The following LSM11 variants were observed in gnomAD, a reference collection of about 807,000 sequenced individuals.
LSM11 encodes the protein U7 snRNA-associated Sm-like protein LSm11.
In LSM11, 14 loss-of-function variants were observed where a neutral mutation model predicts 28.1. The ratio of observed to expected loss-of-function variants is 0.50; its 90% CI spans 0.33 to 0.78. The LOEUF (loss-of-function observed/expected upper bound fraction) is 0.78, where lower values mean the gene tolerates loss of function less well. Among genes scored for constraint, LSM11 ranks in the 30% least tolerant of loss-of-function variants. The pLI, the probability that LSM11 is intolerant of heterozygous loss-of-function variation, is 0.02. For missense variants in LSM11, 495 were observed against 510.6 expected, an observed-to-expected ratio of 0.97 and a Z score of 0.30; for synonymous variants, 207 against 214.2, an observed-to-expected ratio of 0.97 and a Z score of 0.30.
rs1242310518 is a variant in LSM11 at position 157,755,598 on chromosome 5, A to G, written c.*334A>G. 1 of 446,820 alleles carries G rather than the reference A, an allele frequency of 2.2e-6. No homozygotes were observed. The highest frequency in any genetic ancestry group is 3.9e-6 in the Non-Finnish European group (1 of 254,938). The allele number at this position is 446,820 out of a possible 1,614,324, so 27.7% of individuals were successfully genotyped here. On this transcript the variant is annotated 3_prime_UTR_variant, in exon 4 of 4. Coordinates refer to ENST00000286307, the MANE Select transcript of LSM11 (RefSeq NM_173491.4). ...GAGTGGAATTTACATTTTAGATACTATAGGGGAAAGAAAAGTCTCAAAAAG... is the reference window on the plus strand; with the variant it reads ...GAGTGGAATTTACATTTTAGATACTGTAGGGGAAAGAAAAGTCTCAAAAAG...
In LSM11 at chr5:157,756,404, T is replaced by G. The variant is rs1761328919; in HGVS notation, c.*1140T>G. The G allele has an allele frequency of 1.3e-5, 2 of 152,690 alleles. No individual in the cohort carries two copies. Among genetic ancestry groups the G allele is most frequent in the Non-Finnish European group, 2.9e-5 (2 of 68,050 alleles). 9.5% of individuals were successfully genotyped at this position (152,690 alleles called of 1,614,324 possible). On this transcript the variant is annotated 3_prime_UTR_variant, in exon 4 of 4. Transcript: ENST00000286307. Reference sequence around the variant, plus strand: ...TATTCTGTGCTTTTTCAATCACTAGTGCAGAATAGGCTGCATTTGACACAG... The same window carrying G: ...TATTCTGTGCTTTTTCAATCACTAGGGCAGAATAGGCTGCATTTGACACAG...
At position 157,756,983 on chromosome 5, in the gene LSM11, C is replaced by G. The variant is rs1023288690; in HGVS notation, c.*1719C>G. 8 of 152,006 alleles carry G rather than the reference C, an allele frequency of 5.3e-5. No homozygotes were observed. Among genetic ancestry groups the G allele is most frequent in the African/African-American group, 1.9e-4 (8 of 41,356 alleles). 9.4% of individuals were successfully genotyped at this position (152,006 alleles called of 1,614,324 possible). ...GAGATCAAGACCATCCTGGCTAACA[C>G]GGTGAAACCCTGTCTCTACTAAAAA... On this transcript the variant is annotated 3_prime_UTR_variant, in exon 4 of 4. Coordinates refer to ENST00000286307, the MANE Select transcript of LSM11 (RefSeq NM_173491.4).
chr5:157,749,574 G>GCA (rs1347345237), intron 1 of LSM11, among the ~76,000 whole-genome samples: 258 of 84,044 alleles, frequency 3.1e-3, no homozygotes, highest in African/African-American at 0.013. Context: ...ACATATACAC[G>GCA]CGCGCGCACG....
chr5:157,746,740 T>C (rs1481356520), intron 1 of LSM11, among the ~76,000 whole-genome samples: 1 of 152,100 alleles, frequency 6.6e-6, no homozygotes, highest in Non-Finnish European at 1.5e-5. Flanking sequence ...TGAAACCCTG[T>C]CTCTACTAAA....
chr5:157,745,769 C>G (rs1761137886), intron 1 of LSM11, among the ~76,000 whole-genome samples: 1 of 152,174 alleles, frequency 6.6e-6, no homozygotes, highest in African/African-American at 2.4e-5. Context: ...GCCCTACATA[C>G]TGAAAATTTT....
At position 157,755,618 on chromosome 5, in the gene LSM11, A is replaced by G. The variant is rs1761312615; in HGVS notation, c.*354A>G. The G allele has an allele frequency of 2.3e-6, 1 of 431,162 alleles. No individual in the cohort carries two copies. The highest frequency in any genetic ancestry group is 4.1e-6 in the Non-Finnish European group (1 of 245,416). 26.7% of individuals were successfully genotyped at this position (431,162 alleles called of 1,614,324 possible). ...ATACTATAGGGGAAAGAAAAGTCTCAAAAAGAAGTATTGCATGTCTAAAAG... is the reference window on the plus strand; with the variant it reads ...ATACTATAGGGGAAAGAAAAGTCTCGAAAAGAAGTATTGCATGTCTAAAAG... On this transcript the variant is annotated 3_prime_UTR_variant, in exon 4 of 4. Coordinates refer to ENST00000286307, the MANE Select transcript of LSM11 (RefSeq NM_173491.4).
In LSM11 at chr5:157,755,208, A is replaced by G; in HGVS notation, c.1027A>G (p.Ile343Val). The change falls in exon 4 of 4, where the codon ATA (isoleucine) becomes GTA (valine). Residue 343 changes from isoleucine to valine, a missense_variant. Coordinates refer to ENST00000286307, the MANE Select transcript of LSM11 (RefSeq NM_173491.4). ...TTACCAGCAGGTATTCACTCGACAC[A>G]TAAATCAGATTTTCATTCGAGGCGA... ...VDYQQVFTRH[I>V]NQIFIRGENV... The G allele has an allele frequency of 6.2e-7, 1 of 1,614,254 alleles. No individual in the cohort carries two copies. Among genetic ancestry groups the G allele is most frequent in the Non-Finnish European group, 8.5e-7 (1 of 1,180,054 alleles).
Position 157,743,883 on chromosome 5 carries a change from A to G in LSM11, c.133A>G (p.Ile45Val). The change falls in exon 1 of 4, where the codon ATT (isoleucine) becomes GTT (valine). Residue 45 changes from isoleucine (I) to valine (V), a missense_variant. Physicochemically the swap from Ile to Val is conservative, Grantham distance 29. Transcript: ENST00000286307. ...LALYAPRLPP[I>V]PYPNAPCFNN... ...CCTGTACGCGCCCCGCCTGCCTCCC[A>G]TTCCCTACCCCAATGCCCCCTGCTT... The G allele has an allele frequency of 6.4e-7, 1 of 1,557,148 alleles. No individual in the cohort carries two copies. The highest frequency in any genetic ancestry group is 8.7e-7 in the Non-Finnish European group (1 of 1,153,858).
intron 1 of LSM11, among the ~76,000 whole-genome samples, chr5:157,751,173 TAC>T (rs1761225186): frequency 6.6e-6 from 1 of 152,200 alleles, no homozygotes; most frequent in Non-Finnish European, 1.5e-5. Flanking sequence ...CTGATATTCA[TAC>T]ATATGGATGA....
Position 157,743,771 on chromosome 5 carries a change from G to A in LSM11, c.21G>A (p.Gly7=), listed in dbSNP as rs1761099196. ...CAAACATGGAGGAGCGGGAGCGGGG[G>A]GCGAGGTCGGCTGGCGCCGGGAGCC... MEERER[G]ARSAGAGSPA... is the part of the protein sequence containing the mutation. The change falls in exon 1 of 4, where the codon GGG becomes GGA. Residue 7 remains glycine (G), a synonymous_variant. Transcript: ENST00000286307. The A allele has an allele frequency of 2.8e-6, 4 of 1,409,974 alleles. No individual in the cohort carries two copies. Among genetic ancestry groups the A allele is most frequent in the African/African-American group, 1.5e-5 (1 of 66,324 alleles). The allele number at this position is 1,409,974 out of a possible 1,614,324, so 87.3% of individuals were successfully genotyped here.
chr5:157,756,082 T>C lies in LSM11; in HGVS notation c.*818T>C, dbSNP rs1211951953. 4.5e-5 allele frequency: 8 copies of C among 178,158 alleles called. No homozygotes were observed. The highest frequency in any genetic ancestry group is 2.5e-4 in the Admixed American group (4 of 15,940). 11.0% of individuals were successfully genotyped at this position (178,158 alleles called of 1,614,324 possible). A position where few individuals can be genotyped will look rare whatever the true frequency, so the allele number is the denominator to read the frequency against. On this transcript the variant is annotated 3_prime_UTR_variant, in exon 4 of 4. Coordinates refer to ENST00000286307, the MANE Select transcript of LSM11 (RefSeq NM_173491.4). ...TCTGTCCGTAGTGTGAACTGTCCTG[T>C]GAGCTTTATGTCAGGAGACTGTGAC... is the stretch of plus-strand genomic sequence containing the variant.
intron 1 of LSM11, among the ~76,000 whole-genome samples, chr5:157,746,145 T>C (rs1761143870): frequency 6.6e-6 from 1 of 152,210 alleles, no homozygotes; most frequent in South Asian, 2.1e-4. Flanking sequence ...TAAAAAAATA[T>C]ATGCCTACTC....
In LSM11 at chr5:157,755,166, C is replaced by T. The variant is rs1410739410; in HGVS notation, c.985C>T (p.Arg329Ter). 2.5e-6 allele frequency: 4 copies of T among 1,614,194 alleles called. No homozygotes were observed. The highest frequency in any genetic ancestry group is 1.1e-5 in the South Asian group (1 of 91,080). Reference protein sequence around the residue: ...LSRGQSRKKKRKPKVDYQQVF... With the variant: ...LSRGQSRKKK Reference sequence around the variant, plus strand: ...CAGAGGCCAGTCCCGTAAGAAAAAGCGAAAGCCCAAAGTGGATTACCAGCA... The same window carrying T: ...CAGAGGCCAGTCCCGTAAGAAAAAGTGAAAGCCCAAAGTGGATTACCAGCA... Residue 329 changes from arginine (R) to a stop codon, truncating the protein, a stop_gained, in exon 4 of 4, where the codon CGA becomes TGA. Transcript: ENST00000286307. LOFTEE classifies it high-confidence loss of function.
intron 1 of LSM11, among the ~76,000 whole-genome samples, chr5:157,750,060 C>A (rs1340891922): frequency 6.6e-6 from 1 of 152,178 alleles, no homozygotes; most frequent in Non-Finnish European, 1.5e-5. Context: ...GCGTTGCAAA[C>A]TTGGGAAAGA....
At chr5:157,744,527 G>T (rs1382747375) in intron 1 of LSM11, among the ~76,000 whole-genome samples, 1 of 152,168 alleles carries the variant, frequency 6.6e-6, no homozygotes, top group African/African-American at 2.4e-5. Flanking sequence ...GAGGTGATGA[G>T]CCTGCCGAGA....
Position 157,755,096 on chromosome 5 carries a change from C to T in LSM11, c.915C>T (p.Asp305=), listed in dbSNP as rs774827676. 12 of 1,614,096 alleles carry T rather than the reference C, an allele frequency of 7.4e-6. No homozygotes were observed. The East Asian group carries it at 8.9e-5, about 12-fold the overall frequency. The part of the protein sequence containing the change: ...SELSGRTTRT[D]GSSVGGTFSR... ...TGTCAGGGAGGACTACACGGACAGA[C>T]GGCTCCAGTGTGGGAGGTACCTTTT... Residue 305 remains aspartate, a synonymous_variant, in exon 4 of 4, where the codon GAC becomes GAT. Coordinates refer to ENST00000286307, the MANE Select transcript of LSM11 (RefSeq NM_173491.4).
At position 157,754,106 on chromosome 5, in the gene LSM11, ACCT is replaced by A. The variant is rs774648827; in HGVS notation, c.672+23_672+25del. On this transcript the variant is annotated intron_variant, in intron 3 of 3. Coordinates refer to ENST00000286307, the MANE Select transcript of LSM11 (RefSeq NM_173491.4). ...CACTAGGGTAGGCAGTTTTCCCCTG[ACCT>A]CCTGAGTAGCCATCATGCTTTCCAG... 2.7e-6 allele frequency: 4 copies of A among 1,498,238 alleles called. No homozygotes were observed. Among genetic ancestry groups the A allele is most frequent in the African/African-American group, 1.4e-5 (1 of 70,112 alleles). The allele number at this position is 1,498,238 out of a possible 1,614,324, so 92.8% of individuals were successfully genotyped here.
rs1002971965 is a variant in LSM11, at chr5:157,759,070, G to A, written c.*3806G>A. 1 of 152,194 alleles carries A rather than the reference G, an allele frequency of 6.6e-6. No individual in the cohort carries two copies. The highest frequency in any genetic ancestry group is 1.5e-5 in the Non-Finnish European group (1 of 68,050). 9.4% of individuals were successfully genotyped at this position (152,194 alleles called of 1,614,324 possible). ...GGTTAGCTAGAGTTAGCAGTGTCCG[G>A]GGAGAGTGGCTTTAGACCAGTCAGT... is the stretch of plus-strand genomic sequence containing the variant. On this transcript the variant is annotated 3_prime_UTR_variant, in exon 4 of 4. Coordinates refer to ENST00000286307, the MANE Select transcript of LSM11 (RefSeq NM_173491.4).
chr5:157,751,811 G>T (rs1761236661), intron 2 of LSM11, among the ~76,000 whole-genome samples: 1 of 152,106 alleles, frequency 6.6e-6, no homozygotes, highest in African/African-American at 2.4e-5. Flanking sequence ...ATAGGAGAGG[G>T]TACTACTGGC....
Sources: allele counts gnomAD v4.1 joint callset (sites outside exome capture counted in the v4.1 genomes callset), GRCh38; gene constraint gnomAD v4.1.1; transcripts MANE v1.5; gene names NCBI Gene and HGNC (gene_info 2026-07-23, HGNC 2026-07-21).